Variants in ATRNL1 observed in about 807,000 individuals in gnomAD.
ATRNL1 encodes the protein attractin-like protein 1.
In ATRNL1, 95 loss-of-function variants were observed where a neutral mutation model predicts 182.7. The ratio of observed to expected loss-of-function variants is 0.52; its 90% confidence interval spans 0.44 to 0.62. The LOEUF (loss-of-function observed/expected upper bound fraction) is 0.62. ATRNL1 is among the 20% of genes least tolerant of loss of function. ATRNL1 has a pLI of 0.00. For synonymous variants in ATRNL1, 576 were observed against 568.3 expected, an observed-to-expected ratio of 1.01 and a Z score of -0.19; for missense variants, 1,471 against 1,679.5, an observed-to-expected ratio of 0.88 and a Z score of 2.17.
At chr10:115,859,107 T>A (rs1951251830) in intron 28 of ATRNL1, among the ~76,000 whole-genome samples, 1 of 151,960 alleles carries the variant, frequency 6.6e-6, no homozygotes, top group Non-Finnish European at 1.5e-5. Context: ...ATCCTGAAGC[T>A]CCACTCTCTT....
At chr10:115,304,274 C>G (rs1304166291) in intron 17 of ATRNL1, among the ~76,000 whole-genome samples, 2 of 152,202 alleles carry the variant, frequency 1.3e-5, no homozygotes, top group Non-Finnish European at 2.9e-5. Context: ...ATACAAACAA[C>G]TATCCCAGCA....
intron 10 of ATRNL1, among the ~76,000 whole-genome samples, chr10:115,250,882 A>G (rs1320085388): frequency 6.6e-6 from 1 of 152,198 alleles, no homozygotes; most frequent in Admixed American, 6.5e-5. Flanking sequence ...GAACAATGTA[A>G]TGTTCTGCAA....
At chr10:115,789,837 C>T (rs1450228458) in intron 27 of ATRNL1, among the ~76,000 whole-genome samples, 1 of 151,972 alleles carries the variant, frequency 6.6e-6, no homozygotes, top group Non-Finnish European at 1.5e-5. Context: ...TAGAGTTGAG[C>T]AGTTTAAATG....
intron 26 of ATRNL1, among the ~76,000 whole-genome samples, chr10:115,613,023 A>G (rs889547015): frequency 2.5e-4 from 38 of 152,206 alleles, no homozygotes; most frequent in African/African-American, 8.4e-4. Flanking sequence ...ATCAGTGAGG[A>G]TGGTCAGCAA....
At chr10:115,765,956 C>T (rs782219417) in intron 27 of ATRNL1, among the ~76,000 whole-genome samples, 1 of 94,626 alleles carries the variant, frequency 1.1e-5, no homozygotes, top group Non-Finnish European at 2.1e-5. Context: ...TTGTCCAGCT[C>T]TCCTTATTAA....
intron 3 of ATRNL1, 102 bp downstream of exon 3, chr10:115,121,914 ATAGT>A: frequency 3.8e-6 from 2 of 523,222 alleles, no homozygotes; most frequent in Non-Finnish European, 6.8e-6. Context: ...AAAGATATTG[ATAGT>A]TACATTTCAC....
chr10:115,182,843 G>A lies in ATRNL1; in HGVS notation c.1348+11551G>A, dbSNP rs138365704. On this transcript the variant is annotated intron_variant, in intron 8 of 28. Transcript: ENST00000355044. ...AAACAGAAACCACAGGCAGTGAAGA[G>A]AAACAGTGTCACTTCAGTACAAAAC... 1.6e-4 allele frequency among the ~76,000 whole-genome samples: 25 copies of A among 151,534 alleles called. 1 individual carries two copies. The East Asian group carries it at 4.8e-3, about 29-fold the overall frequency.
chr10:115,882,985 A>C (rs138444380), intron 28 of ATRNL1, among the ~76,000 whole-genome samples: 150 of 152,280 alleles, frequency 9.9e-4, no homozygotes, highest in African/African-American at 3.2e-3. Context: ...CTGCCCATAA[A>C]GCCTTTACAG....
chr10:115,146,046 G>GT lies in ATRNL1; in HGVS notation c.830-13984dup, dbSNP rs531221415. 1.5e-3 allele frequency among the ~76,000 whole-genome samples: 224 copies of GT among 146,374 alleles called. 1 individual carries two copies. The Middle Eastern group carries it at 0.021, about 14-fold the overall frequency. ...CACCTTAGAGATACTGTTAGGGTGT[G>GT]TTTTTTTTTTCTGGTTATTAGACTT... On this transcript the variant is annotated intron_variant, in intron 5 of 28. Coordinates refer to ENST00000355044, the MANE Select transcript of ATRNL1 (RefSeq NM_207303.4).
intron 27 of ATRNL1, among the ~76,000 whole-genome samples, chr10:115,845,160 T>TCATATTA (rs1950898659): frequency 6.6e-6 from 1 of 152,132 alleles, no homozygotes; most frequent in Admixed American, 6.6e-5. Flanking sequence ...ATTCATATTT[T>TCATATTA]TGCTAATATC....
At chr10:115,351,367 A>G (rs906710143) in intron 19 of ATRNL1, among the ~76,000 whole-genome samples, 5 of 152,076 alleles carry the variant, frequency 3.3e-5, no homozygotes, top group African/African-American at 9.7e-5. Context: ...AGTCAGTATG[A>G]TGCCAGTGGT....
chr10:115,547,165 G>C (rs1554993980), intron 25 of ATRNL1, among the ~76,000 whole-genome samples: 1 of 151,628 alleles, frequency 6.6e-6, no homozygotes, highest in East Asian at 1.9e-4. Context: ...TGAGGTGGGA[G>C]AATTGCTGAA....
Position 115,944,763 on chromosome 10 carries a change from A to C in ATRNL1, c.4124A>C (p.Gln1375Pro). Residue 1375 changes from glutamine (Q) to proline (P), a missense_variant, in exon 29 of 29, where the codon CAA becomes CCA. Coordinates refer to ENST00000355044, the MANE Select transcript of ATRNL1 (RefSeq NM_207303.4). Reference sequence around the variant, plus strand: ...AATCGAAAACACCTTTCAACACGTCAAGGAACTTGTGTCTGAGAAATGGAA... The same window carrying C: ...AATCGAAAACACCTTTCAACACGTCCAGGAACTTGTGTCTGAGAAATGGAA... ...VRNRKHLSTR[Q>P]GTCV is the part of the protein sequence containing the mutation. The C allele has an allele frequency of 6.2e-7, 1 of 1,613,508 alleles. No individual in the cohort carries two copies. The highest frequency in any genetic ancestry group is 8.5e-7 in the Non-Finnish European group (1 of 1,179,626).
chr10:115,903,430 C>A (rs1589669686), intron 28 of ATRNL1, among the ~76,000 whole-genome samples: 1 of 152,262 alleles, frequency 6.6e-6, no homozygotes, highest in Non-Finnish European at 1.5e-5. Context: ...CTGGTTAGCA[C>A]TATCTCTGGA....
At chr10:115,252,496 C>G (rs1279391362) in intron 10 of ATRNL1, among the ~76,000 whole-genome samples, 4 of 152,176 alleles carry the variant, frequency 2.6e-5, no homozygotes, top group African/African-American at 9.7e-5. Context: ...AGAGTAGCCT[C>G]TACATTGTGT....
chr10:115,198,778 T>G (rs1054335766), intron 8 of ATRNL1, among the ~76,000 whole-genome samples: 1 of 152,194 alleles, frequency 6.6e-6, no homozygotes, highest in Admixed American at 6.6e-5. Context: ...TTTCCTGTTA[T>G]GTGTTTAGGC....
chr10:115,630,056 T>C (rs1264435422), intron 26 of ATRNL1, among the ~76,000 whole-genome samples: 2 of 152,164 alleles, frequency 1.3e-5, no homozygotes, highest in Admixed American at 6.5e-5. Flanking sequence ...TTATTTTTGC[T>C]TGCATTGCCT....
At chr10:115,345,972 T>C (rs1554939581) in intron 19 of ATRNL1, among the ~76,000 whole-genome samples, 1 of 152,224 alleles carries the variant, frequency 6.6e-6, no homozygotes, top group Non-Finnish European at 1.5e-5. Context: ...TTGATTTCCA[T>C]TTCCTTAATG....
At chr10:115,598,669 A>G (rs1246137776) in intron 26 of ATRNL1, among the ~76,000 whole-genome samples, 5 of 152,126 alleles carry the variant, frequency 3.3e-5, no homozygotes, top group South Asian at 2.1e-4. Context: ...TCCTATTATA[A>G]TAAATAACAT....
Sources: allele counts gnomAD v4.1 joint callset (sites outside exome capture counted in the v4.1 genomes callset), GRCh38; gene constraint gnomAD v4.1.1; transcripts MANE v1.5; gene names NCBI Gene and HGNC (gene_info 2026-07-23, HGNC 2026-07-21).